QKI: variants seen among roughly 807,000 people sequenced by gnomAD.
The protein encoded by QKI is KH domain-containing RNA-binding protein QKI.
Under a neutral mutation model 39.0 loss-of-function variants are expected in QKI, and 10 were observed. The ratio of observed to expected loss-of-function variants is 0.26; its 90% CI spans 0.16 to 0.43. The LOEUF is 0.43. Ranked by LOEUF, QKI falls within the 20% of genes least tolerant of loss-of-function variation. The pLI, the probability that QKI is intolerant of heterozygous loss-of-function variation, is 1.00. For missense variants in QKI, 218 were observed against 428.0 expected (o/e 0.51, Z 4.33); for synonymous variants, 204 against 155.4 (o/e 1.31, Z -2.33).
intron 7 of QKI, chr6:163,570,443 AG>A: frequency 1.2e-6 from 1 of 843,220 alleles, no homozygotes; most frequent in Non-Finnish European, 1.4e-6. Context: ...CTTGTTAACC[AG>A]TTTTTTTTTT....
intron 4 of QKI, among the ~76,000 whole-genome samples, chr6:163,537,450 C>T (rs2128241897): frequency 6.6e-6 from 1 of 152,214 alleles, no homozygotes; most frequent in East Asian, 1.9e-4. Flanking sequence ...TATGAAAATG[C>T]AACATAAGGC....
At chr6:163,455,476 A>G in intron 2 of QKI, 55 bp downstream of exon 2, 2 of 1,501,476 alleles carry the variant, frequency 1.3e-6, no homozygotes, top group Non-Finnish European at 1.8e-6. Context: ...TATGTTGGGA[A>G]GAGATATATT....
intron 5 of QKI, 123 bp downstream of exon 5, chr6:163,562,192 C>A: frequency 1.9e-6 from 1 of 525,024 alleles, no homozygotes; most frequent in Non-Finnish European, 3.2e-6. Context: ...ACTGTTCTGT[C>A]ACTTGATATG....
chr6:163,548,574 CTG>C (rs755817113), intron 4 of QKI, among the ~76,000 whole-genome samples: 7 of 152,076 alleles, frequency 4.6e-5, no homozygotes, highest in African/African-American at 1.4e-4. Flanking sequence ...GGCAGTAAAA[CTG>C]TTTTTTAAAA....
intron 3 of QKI, among the ~76,000 whole-genome samples, chr6:163,493,661 C>T (rs1778210497): frequency 2.0e-5 from 3 of 151,988 alleles, no homozygotes; most frequent in Non-Finnish European, 2.9e-5. Flanking sequence ...CTTAGGAGTT[C>T]GAGACCACCT....
intron 1 of QKI, among the ~76,000 whole-genome samples, chr6:163,422,388 TGTGTCATATTCTGCTTAGCAGATA>T (rs1247813248): frequency 6.6e-6 from 1 of 152,208 alleles, no homozygotes; most frequent in Non-Finnish European, 1.5e-5. Flanking sequence ...ATAAGCAGAA[TGTGTCATATTCTGCTTAGCAGATA>T]AGCAGATATT....
At chr6:163,417,632 A>AAT (rs1787631019) in intron 1 of QKI, among the ~76,000 whole-genome samples, 1 of 152,144 alleles carries the variant, frequency 6.6e-6, no homozygotes, top group Non-Finnish European at 1.5e-5. Flanking sequence ...TCTGGTTGGA[A>AAT]ATAGTACTCG....
Position 163,455,438 on chromosome 6 carries a change from GTTTTATTCAA to G in QKI, c.285+22_285+31del, listed in dbSNP as rs1790845191. 1 of 1,602,862 alleles carries G rather than the reference GTTTTATTCAA, an allele frequency of 6.2e-7. No homozygotes were observed. The highest frequency in any genetic ancestry group is 8.5e-7 in the Non-Finnish European group (1 of 1,171,910). ...TACCCAGATGTAAGTATATTTTGTTGTTTTATTCAATTTTGTTCTGCTTCACATATGTTGG... is the reference window on the plus strand; with the variant it reads ...TACCCAGATGTAAGTATATTTTGTTGTTTTGTTCTGCTTCACATATGTTGG... On this transcript the variant is annotated intron_variant, in intron 2 of 7. Coordinates refer to ENST00000361752, the MANE Select transcript of QKI (RefSeq NM_006775.3).
chr6:163,555,845 G>A (rs1782560952), intron 4 of QKI, among the ~76,000 whole-genome samples: 1 of 151,960 alleles, frequency 6.6e-6, no homozygotes, highest in Non-Finnish European at 1.5e-5. Context: ...TTTTTTAAAA[G>A]TATATAGATC....
rs189284861 is a variant in QKI, at chr6:163,544,681, C to A, written c.546+9556C>A. 5.2e-3 allele frequency among the ~76,000 whole-genome samples: 788 copies of A among 152,082 alleles called. 12 individuals are homozygous for A. The highest frequency in any genetic ancestry group is 0.018 in the African/African-American group (747 of 41,530). ...ATACTTTTAACAAAATAAACATGGT[C>A]TTTTTGGAGGTCTTAACATTGTCAA... is the stretch of plus-strand genomic sequence containing the variant. On this transcript the variant is annotated intron_variant, in intron 4 of 7. Coordinates refer to ENST00000361752, the MANE Select transcript of QKI (RefSeq NM_006775.3).
intron 5 of QKI, among the ~76,000 whole-genome samples, chr6:163,562,452 ATCT>A (rs1783092560): frequency 6.6e-6 from 1 of 152,222 alleles, no homozygotes; most frequent in Admixed American, 6.5e-5. Flanking sequence ...TTTGAAGTGT[ATCT>A]GACTGAAATG....
In QKI at chr6:163,415,326, C is replaced by T. The variant is rs1787351781; in HGVS notation, c.133C>T (p.Leu45=). 7 of 1,581,796 alleles carry T rather than the reference C, an allele frequency of 4.4e-6. No homozygotes were observed. Among genetic ancestry groups the T allele is most frequent in the Non-Finnish European group, 5.2e-6 (6 of 1,159,448 alleles). The change falls in exon 1 of 8, where the codon CTG becomes TTG. Residue 45 remains leucine (L), a synonymous_variant. Transcript: ENST00000361752. The stretch of plus-strand genomic sequence containing the variant: ...GATCTTCAACCACCTCGAGCGGCTG[C>T]TGGACGAAGGTGAGCGTCTCCAGGG... ...CGIFNHLERL[L]DEEISRVRKD...
At chr6:163,545,968 A>G (rs932717941) in intron 4 of QKI, among the ~76,000 whole-genome samples, 3 of 149,630 alleles carry the variant, frequency 2.0e-5, no homozygotes, top group African/African-American at 7.3e-5. Flanking sequence ...AATTGCTTGT[A>G]CCTATTAATT....
chr6:163,442,296 GAAA>G (rs1237352274), intron 1 of QKI, among the ~76,000 whole-genome samples: 1 of 152,094 alleles, frequency 6.6e-6, no homozygotes, highest in Non-Finnish European at 1.5e-5. Flanking sequence ...ATTTTAAAAT[GAAA>G]AAATAATTTA....
At chr6:163,452,556 G>A (rs1024016567) in intron 1 of QKI, among the ~76,000 whole-genome samples, 2 of 152,020 alleles carry the variant, frequency 1.3e-5, no homozygotes, top group African/African-American at 4.8e-5. Context: ...TGTGTTCCAG[G>A]CACTGTTCAA....
At chr6:163,562,158 C>T in intron 5 of QKI, 89 bp downstream of exon 5, 2 of 823,994 alleles carry the variant, frequency 2.4e-6, no homozygotes. Flanking sequence ...AATAATAGTT[C>T]ATACAAAGTG....
intron 3 of QKI, among the ~76,000 whole-genome samples, chr6:163,530,926 C>T (rs1314327753): frequency 2.0e-5 from 3 of 152,080 alleles, no homozygotes; most frequent in Non-Finnish European, 4.4e-5. Flanking sequence ...ATTTTTCTCC[C>T]TCTGCTTTCT....
intron 4 of QKI, among the ~76,000 whole-genome samples, chr6:163,547,640 T>G (rs9458855): frequency 0.04 from 6,114 of 152,196 alleles, 131 homozygotes; most frequent in African/African-American, 0.062. Context: ...TTCCCTTGTT[T>G]TCTCTGTAGA....
intron 2 of QKI, among the ~76,000 whole-genome samples, chr6:163,474,484 A>T (rs1249529990): frequency 6.6e-6 from 1 of 152,172 alleles, no homozygotes; most frequent in Non-Finnish European, 1.5e-5. Flanking sequence ...ATAGAAAAAA[A>T]CCCAATTATA....
Sources: allele counts gnomAD v4.1 joint callset (sites outside exome capture counted in the v4.1 genomes callset), GRCh38; gene constraint gnomAD v4.1.1; transcripts MANE v1.5; gene names NCBI Gene and HGNC (gene_info 2026-07-23, HGNC 2026-07-21).